MYCBP2: variants seen among roughly 807,000 people sequenced by gnomAD.
MYCBP2 encodes E3 ubiquitin-protein ligase MYCBP2.
In MYCBP2, 120 loss-of-function variants were observed where a neutral mutation model predicts 525.3. The observed-to-expected ratio is 0.23, with a 90% CI of 0.20 to 0.27. MYCBP2 has a LOEUF of 0.27. Among genes scored for constraint, MYCBP2 ranks in the 10% least tolerant of loss-of-function variants. The pLI is 1.00. For missense variants in MYCBP2, 4,149 were observed against 5,657.1 expected, an observed-to-expected ratio of 0.73 and a Z score of 8.55; for synonymous variants, 1,894 against 1,955.8, an observed-to-expected ratio of 0.97 and a Z score of 0.83.
chr13:77,131,517 A>ACACAC lies in MYCBP2; in HGVS notation c.7660-4976_7660-4975insGTGTG, dbSNP rs1566645644. Among the ~76,000 whole-genome samples the ACACAC allele has an allele frequency of 8.4e-3, 1,233 of 146,588 alleles. 19 individuals carry two copies. The highest frequency in any genetic ancestry group is 0.029 in the African/African-American group (1,152 of 40,076). On this transcript the variant is annotated intron_variant, in intron 52 of 82. Coordinates refer to ENST00000544440, the MANE Select transcript of MYCBP2 (RefSeq NM_015057.5). The stretch of plus-strand genomic sequence containing the variant: ...ACACACACACACACACACACAAACA[A>ACACAC]ACACACACACACACACACACACACT...
intron 14 of MYCBP2, among the ~76,000 whole-genome samples, chr13:77,254,114 A>G (rs2071720384): frequency 6.6e-6 from 1 of 151,650 alleles, no homozygotes; most frequent in African/African-American, 2.4e-5. Flanking sequence ...GAATGATGAG[A>G]AAAAAAAATT....
At chr13:77,052,716 C>A (rs1341520323) in intron 80 of MYCBP2, among the ~76,000 whole-genome samples, 1 of 152,048 alleles carries the variant, frequency 6.6e-6, no homozygotes, top group Admixed American at 6.5e-5. Flanking sequence ...TTAGCAGTTC[C>A]CAATTTATAA....
Position 77,241,111 on chromosome 13 carries a change from AT to A in MYCBP2, c.2629+1947del, listed in dbSNP as rs750658616. Among the ~76,000 whole-genome samples, 716 of 150,200 alleles carry A rather than the reference AT, an allele frequency of 4.8e-3. 14 individuals are homozygous for A. Among genetic ancestry groups the A allele is most frequent in the South Asian group, 0.037 (174 of 4,750 alleles). ...TCTTTAAATATTTAGCTAGTGGAGG[AT>A]TTTTTTTTTAACTTTAAAGGGTTAA... On this transcript the variant is annotated intron_variant, in intron 17 of 82. Transcript: ENST00000544440.
Position 77,217,879 on chromosome 13 carries a change from A to T in MYCBP2, c.3018T>A (p.Leu1006=). ...ATGTGAAGACCTGTCCATCCATTAA[A>T]AGTACTGCCGTATGGTTGCTGCCTG... ...VTAGSNHTAV[L]LMDGQVFTFG... The change falls in exon 21 of 83, where the codon CTT becomes CTA. Residue 1006 remains leucine, a synonymous_variant. Transcript: ENST00000544440. The T allele has an allele frequency of 6.2e-7, 1 of 1,610,702 alleles. No individual in the cohort carries two copies. The highest frequency in any genetic ancestry group is 8.5e-7 in the Non-Finnish European group (1 of 1,178,484).
chr13:77,156,251 A>G, intron 45 of MYCBP2, 49 bp from the exon 46 acceptor site: 1 of 1,509,848 alleles, frequency 6.6e-7, no homozygotes, highest in South Asian at 1.3e-5. Context: ...ACTGATCAGC[A>G]TCTTCAACAA....
chr13:77,219,066 T>G (rs2065198303), intron 20 of MYCBP2, among the ~76,000 whole-genome samples: 1 of 152,076 alleles, frequency 6.6e-6, no homozygotes, highest in African/African-American at 2.4e-5. Context: ...TCACTTAAGC[T>G]ATGAGAATGA....
At chr13:77,196,402 A>C (rs1440667174) in intron 26 of MYCBP2, among the ~76,000 whole-genome samples, 2 of 152,186 alleles carry the variant, frequency 1.3e-5, no homozygotes, top group African/African-American at 4.8e-5. Flanking sequence ...ATTTTAAGAG[A>C]ATCACTGCCA....
At chr13:77,247,935 A>C (rs1382233603) in intron 15 of MYCBP2, among the ~76,000 whole-genome samples, 4 of 146,886 alleles carry the variant, frequency 2.7e-5, no homozygotes, top group Non-Finnish European at 1.5e-5. Context: ...AAACTATTAC[A>C]AAAAAAAACA....
chr13:77,170,549 A>G (rs2154221915), intron 38 of MYCBP2, among the ~76,000 whole-genome samples: 1 of 151,418 alleles, frequency 6.6e-6, no homozygotes, highest in South Asian at 2.1e-4. Context: ...TTAGGAATTA[A>G]TGTTATACAA....
At chr13:77,235,179 C>A (rs2067722604) in intron 17 of MYCBP2, among the ~76,000 whole-genome samples, 1 of 151,870 alleles carries the variant, frequency 6.6e-6, no homozygotes, top group Non-Finnish European at 1.5e-5. Flanking sequence ...GGAATTCAGT[C>A]CACTAGGGAA....
intron 60 of MYCBP2, 129 bp downstream of exon 60, chr13:77,089,977 T>A: frequency 1.3e-6 from 1 of 749,716 alleles, no homozygotes; most frequent in Non-Finnish European, 2.0e-6. Context: ...GGAATGTCAA[T>A]CACACATTAG....
chr13:77,050,743 C>T (rs574582268), intron 82 of MYCBP2, among the ~76,000 whole-genome samples: 1 of 152,144 alleles, frequency 6.6e-6, no homozygotes, highest in South Asian at 2.1e-4. Flanking sequence ...ATCTTTTCAC[C>T]AATCCTTAGT....
In MYCBP2 at chr13:77,180,274, C is replaced by T; in HGVS notation, c.4986G>A (p.Leu1662=). ...GCACAACAATGACCAGCATTTTCTC[C>T]AGAACTTCACGGAAGCTTGTCATCC... The part of the protein sequence containing the change: ...ISGMTSFREV[L]EKMLVIVVLP... The change falls in exon 34 of 83, where the codon CTG becomes CTA. Residue 1662 remains leucine, a synonymous_variant. Transcript: ENST00000544440. The T allele has an allele frequency of 6.2e-7, 1 of 1,614,124 alleles. No homozygotes were observed. Among genetic ancestry groups the T allele is most frequent in the Non-Finnish European group, 8.5e-7 (1 of 1,179,998 alleles).
chr13:77,188,073 C>CAAAA lies in MYCBP2; in HGVS notation c.4251+874_4251+877dup, dbSNP rs745537934. Among the ~76,000 whole-genome samples, 322 of 53,216 alleles carry CAAAA rather than the reference C, an allele frequency of 6.1e-3. 1 individual carries two copies. The highest frequency in any genetic ancestry group is 0.022 in the African/African-American group (311 of 13,922). The allele number at this position is 53,216 out of a possible 152,430, so 34.9% of individuals were successfully genotyped here. The stretch of plus-strand genomic sequence containing the variant: ...GCGACAGAGCGAGACTCTGCCTCAC[C>CAAAA]AAAAAAAAAAAAAAAAAAAGGTCTG... On this transcript the variant is annotated intron_variant, in intron 30 of 82. Coordinates refer to ENST00000544440, the MANE Select transcript of MYCBP2 (RefSeq NM_015057.5).
chr13:77,120,531 T>C (rs1385554438), intron 55 of MYCBP2, among the ~76,000 whole-genome samples: 1 of 152,222 alleles, frequency 6.6e-6, no homozygotes, highest in Non-Finnish European at 1.5e-5. Context: ...TGAATTAATT[T>C]AAATAAAATT....
chr13:77,244,704 AAAGT>A (rs369634987), intron 15 of MYCBP2, among the ~76,000 whole-genome samples: 1 of 152,342 alleles, frequency 6.6e-6, no homozygotes, highest in Non-Finnish European at 1.5e-5. Flanking sequence ...ACAGCAAAAG[AAAGT>A]ATCATCAGAG....
intron 18 of MYCBP2, among the ~76,000 whole-genome samples, chr13:77,227,697 T>C (rs2066496157): frequency 6.6e-6 from 1 of 152,228 alleles, no homozygotes; most frequent in Non-Finnish European, 1.5e-5. Flanking sequence ...CATTCCACTT[T>C]ATATAAATGT....
In MYCBP2 at chr13:77,243,965, C is replaced by CAAAAAAAAAAAAAAAAAAAAAAAAAAAAA. The variant is rs35429706; in HGVS notation, c.2382-15_2382-14insTTTTTTTTTTTTTTTTTTTTTTTTTTTTT. ...CAACCACAGATCCTAGGGGGAAATA[C>CAAAAAAAAAAAAAAAAAAAAAAAAAAAAA]AAAAAAAAAAAAAAAAGACAACTGA... On this transcript the variant is annotated splice_polypyrimidine_tract_variant and intron_variant, in intron 15 of 82. Transcript: ENST00000544440. 1 of 1,080,788 alleles carries CAAAAAAAAAAAAAAAAAAAAAAAAAAAAA rather than the reference C, an allele frequency of 9.3e-7. No homozygotes were observed. Among genetic ancestry groups the CAAAAAAAAAAAAAAAAAAAAAAAAAAAAA allele is most frequent in the Non-Finnish European group, 1.2e-6 (1 of 851,210 alleles). 66.9% of individuals were successfully genotyped at this position (1,080,788 alleles called of 1,614,324 possible). A position where few individuals can be genotyped will look rare whatever the true frequency, so the allele number is the denominator to read the frequency against.
intron 44 of MYCBP2, among the ~76,000 whole-genome samples, chr13:77,160,406 G>A (rs1327021095): frequency 6.6e-6 from 1 of 152,154 alleles, no homozygotes; most frequent in African/African-American, 2.4e-5. Context: ...TGCACAAAAT[G>A]TTTAAAATAG....
Sources: gnomAD v4.1 joint callset for allele counts (sites outside exome capture counted in the v4.1 genomes callset) on GRCh38, gnomAD v4.1.1 for gene constraint, MANE v1.5 for transcripts, NCBI Gene and HGNC (gene_info 2026-07-23, HGNC 2026-07-21) for gene names.